Variants in ZFHX3 observed in about 807,000 individuals in gnomAD.
The protein encoded by ZFHX3 is zinc finger homeobox 3, also known as zinc finger homeobox protein 3.
ZFHX3 carries 42 observed loss-of-function variants against 279.1 expected under a neutral mutation model. The observed-to-expected ratio is 0.15, with a 90% CI of 0.12 to 0.19. ZFHX3 has a LOEUF of 0.19. ZFHX3 is among the 10% of genes least tolerant of loss of function. The probability of loss-of-function intolerance (pLI) is 1.00; values close to 1 mark genes in which losing one functional copy is unlikely to be tolerated. For synonymous variants in ZFHX3, 2,293 were observed against 1,957.8 expected (o/e 1.17, Z -4.52); for missense variants, 4,981 against 4,754.0 (o/e 1.05, Z -1.40).
At chr16:73,277,533 A>G (rs1223105588) in intron 4 of ZFHX3, among the ~76,000 whole-genome samples, 1 of 152,208 alleles carries the variant, frequency 6.6e-6, no homozygotes, top group Non-Finnish European at 1.5e-5. Flanking sequence ...CAAATTGTCG[A>G]TGAATTAAAT....
intron 5 of ZFHX3, among the ~76,000 whole-genome samples, chr16:73,254,266 C>G (rs2013599018): frequency 6.6e-6 from 1 of 152,172 alleles, no homozygotes; most frequent in East Asian, 1.9e-4. Context: ...TATCCTTTCA[C>G]AGGTGTTGGA....
chr16:73,320,750 C>A (rs74030057), intron 3 of ZFHX3, among the ~76,000 whole-genome samples: 2,614 of 152,254 alleles, frequency 0.017, 76 homozygotes, highest in African/African-American at 0.058. Flanking sequence ...TCTGAGGCCC[C>A]GAAATCCCCA....
At chr16:73,093,104 G>A (rs748590693) in intron 8 of ZFHX3, 2 of 520,004 alleles carry the variant, frequency 3.8e-6, no homozygotes, top group Admixed American at 1.9e-5. Context: ...CTTCAGCAAT[G>A]GATCAAAGAA....
At chr16:73,243,756 G>A (rs1215385026) in intron 5 of ZFHX3, among the ~76,000 whole-genome samples, 2 of 152,238 alleles carry the variant, frequency 1.3e-5, no homozygotes, top group East Asian at 3.9e-4. Context: ...GTGTGTGTGT[G>A]TGTGTGTGTG....
At chr16:73,332,521 A>T (rs929796055) in intron 3 of ZFHX3, among the ~76,000 whole-genome samples, 1 of 152,218 alleles carries the variant, frequency 6.6e-6, no homozygotes, top group Non-Finnish European at 1.5e-5. Context: ...CACCCAGAGG[A>T]AAACTTACTT....
At chr16:73,382,014 T>G (rs1385583684) in intron 3 of ZFHX3, among the ~76,000 whole-genome samples, 1 of 152,236 alleles carries the variant, frequency 6.6e-6, no homozygotes. Flanking sequence ...CATGGCTGTG[T>G]TCCAATAAAA....
At chr16:73,584,239 G>A (rs554934601) in intron 2 of ZFHX3, among the ~76,000 whole-genome samples, 17 of 152,160 alleles carry the variant, frequency 1.1e-4, no homozygotes, top group African/African-American at 4.1e-4. Context: ...TGAGGCAGAG[G>A]ATATGTTTAA....
chr16:73,504,018 A>G (rs142266528), intron 2 of ZFHX3, among the ~76,000 whole-genome samples: 40 of 152,310 alleles, frequency 2.6e-4, no homozygotes, highest in Admixed American at 2.6e-3. Context: ...ATGGAGAAAT[A>G]CGCTTACTGT....
At chr16:72,995,335 C>A (rs1198182419) in intron 1 of ZFHX3, among the ~76,000 whole-genome samples, 1 of 152,104 alleles carries the variant, frequency 6.6e-6, no homozygotes, top group African/African-American at 2.4e-5. Flanking sequence ...GAGGACGGAA[C>A]GGGAACTGCA....
chr16:73,697,759 C>A (rs1419068643), intron 1 of ZFHX3, among the ~76,000 whole-genome samples: 3 of 150,460 alleles, frequency 2.0e-5, no homozygotes, highest in Non-Finnish European at 1.5e-5. Context: ...TCTGTGGTCA[C>A]AAAAAAAAAA....
At chr16:72,821,901 G>A (rs1312575996) in intron 5 of ZFHX3, 7 of 152,182 alleles carry the variant, frequency 4.6e-5, no homozygotes, top group Non-Finnish European at 1.0e-4. Context: ...ACCATAGAAC[G>A]AGGGGAGAAA....
intron 5 of ZFHX3, among the ~76,000 whole-genome samples, chr16:73,175,206 C>A (rs1394986360): frequency 6.6e-6 from 1 of 152,034 alleles, no homozygotes; most frequent in East Asian, 1.9e-4. Context: ...ATGGTGAAAC[C>A]CTGTCTCTAC....
chr16:73,534,871 T>C (rs2019867710), intron 2 of ZFHX3, among the ~76,000 whole-genome samples: 1 of 152,192 alleles, frequency 6.6e-6, no homozygotes, highest in Non-Finnish European at 1.5e-5. Context: ...TTGGTGGGTA[T>C]AATCCATCTC....
chr16:73,570,171 C>A (rs779386148), intron 2 of ZFHX3, among the ~76,000 whole-genome samples: 6 of 152,178 alleles, frequency 3.9e-5, no homozygotes, highest in Non-Finnish European at 8.8e-5. Context: ...AATACACTTG[C>A]TCTGCCGTAA....
At chr16:73,531,846 T>C (rs886483005) in intron 2 of ZFHX3, among the ~76,000 whole-genome samples, 8 of 151,848 alleles carry the variant, frequency 5.3e-5, no homozygotes, top group Non-Finnish European at 7.4e-5. Flanking sequence ...CCCAGCATGT[T>C]TGGAGGCTGA....
chr16:73,083,792 G>A (rs987604944), intron 8 of ZFHX3, among the ~76,000 whole-genome samples: 5 of 152,166 alleles, frequency 3.3e-5, no homozygotes, highest in Non-Finnish European at 7.3e-5. Context: ...AGCCTCCCAA[G>A]TGCTGGGATT....
At chr16:73,220,448 G>A (rs2012374786) in intron 5 of ZFHX3, among the ~76,000 whole-genome samples, 1 of 152,080 alleles carries the variant, frequency 6.6e-6, no homozygotes, top group South Asian at 2.1e-4. Flanking sequence ...AAAGGAGTGG[G>A]TTTCCATTGA....
At chr16:73,039,374 G>T (rs1277263287) in intron 1 of ZFHX3, among the ~76,000 whole-genome samples, 1 of 152,198 alleles carries the variant, frequency 6.6e-6, no homozygotes, top group Admixed American at 6.5e-5. Flanking sequence ...CTGCAGTGAA[G>T]GTGTCTAAAT....
In ZFHX3 at chr16:72,881,948, C is replaced by T. The variant is rs1377181869; in HGVS notation, c.3448+7783G>A. On this transcript the variant is annotated intron_variant, in intron 4 of 9. Transcript: ENST00000268489. The stretch of plus-strand genomic sequence containing the variant: ...CTTTCGAAGGTGACTTGGGATGTTT[C>T]GAAATAAAGGTTTCACAGAAAGAAC... 2.6e-5 allele frequency among the ~76,000 whole-genome samples: 4 copies of T among 152,194 alleles called. No homozygotes were observed. In the South Asian group the frequency reaches 6.2e-4, roughly 24 times the overall value.
Sources: allele counts gnomAD v4.1 joint callset (sites outside exome capture counted in the v4.1 genomes callset), GRCh38; gene constraint gnomAD v4.1.1; transcripts MANE v1.5; gene names NCBI Gene and HGNC (gene_info 2026-07-23, HGNC 2026-07-21).